ADGRG6: variants seen among roughly 807,000 people sequenced by gnomAD.
ADGRG6 encodes adhesion G protein-coupled receptor G6.
ADGRG6 carries 84 observed loss-of-function variants against 142.4 expected under a neutral mutation model. The ratio of observed to expected loss-of-function variants is 0.59; its 90% CI spans 0.49 to 0.71. The LOEUF (loss-of-function observed/expected upper bound fraction) is 0.71. ADGRG6 is among the 30% of genes least tolerant of loss of function. The pLI, the probability that ADGRG6 is intolerant of heterozygous loss-of-function variation, is 0.00. For missense variants in ADGRG6, 1,367 were observed against 1,466.6 expected (o/e 0.93, Z 1.11); for synonymous variants, 521 against 520.5 (o/e 1.00, Z -0.01).
chr6:142,313,663 G>T (rs1477941729), intron 2 of ADGRG6, among the ~76,000 whole-genome samples: 1 of 152,142 alleles, frequency 6.6e-6, no homozygotes, highest in Non-Finnish European at 1.5e-5. Flanking sequence ...GCAGGTGATT[G>T]TGTAAAAAGA....
intron 10 of ADGRG6, among the ~76,000 whole-genome samples, chr6:142,398,940 C>T (rs1328242725): frequency 6.6e-6 from 1 of 152,084 alleles, no homozygotes; most frequent in Non-Finnish European, 1.5e-5. Flanking sequence ...TTAACTCTTA[C>T]TTCCCACATA....
At chr6:142,413,976 T>C (rs529105734) in intron 18 of ADGRG6, among the ~76,000 whole-genome samples, 52 of 151,768 alleles carry the variant, frequency 3.4e-4, no homozygotes, top group African/African-American at 1.3e-3. Flanking sequence ...TTTATTGGCA[T>C]TTTGATGACA....
intron 10 of ADGRG6, among the ~76,000 whole-genome samples, chr6:142,399,194 A>AGT (rs1775372668): frequency 6.6e-6 from 1 of 152,160 alleles, no homozygotes; most frequent in Non-Finnish European, 1.5e-5. Flanking sequence ...GAGGGAGGCA[A>AGT]GTGTTCCTCA....
intron 24 of ADGRG6, among the ~76,000 whole-genome samples, chr6:142,440,276 TC>T (rs1015447553): frequency 5.9e-5 from 9 of 152,224 alleles, no homozygotes; most frequent in African/African-American, 2.2e-4. Flanking sequence ...TTTTATTTCA[TC>T]TATTATTTTA....
At chr6:142,326,080 A>G (rs1171029890) in intron 2 of ADGRG6, among the ~76,000 whole-genome samples, 3 of 152,104 alleles carry the variant, frequency 2.0e-5, no homozygotes, top group Non-Finnish European at 4.4e-5. Flanking sequence ...ACTAAATACT[A>G]TGTTTGCAAA....
At chr6:142,304,263 CCTT>C (rs887553593) in intron 1 of ADGRG6, among the ~76,000 whole-genome samples, 3 of 152,160 alleles carry the variant, frequency 2.0e-5, no homozygotes, top group Non-Finnish European at 4.4e-5. Context: ...TCTGCCTCCT[CCTT>C]GTGGAGAAAG....
At chr6:142,424,718 A>C (rs182657312) in intron 22 of ADGRG6, among the ~76,000 whole-genome samples, 1 of 152,046 alleles carries the variant, frequency 6.6e-6, no homozygotes, top group East Asian at 1.9e-4. Context: ...CTCTTTTTCT[A>C]TTGATTGGAA....
In ADGRG6 at chr6:142,438,273, G is replaced by C. The variant is rs760318247; in HGVS notation, c.3483G>C (p.Leu1161Phe). The part of the protein sequence containing the change: ...KKSSDNLGKS[L>F]SSSSIGSNST... ...GTTCTGATAATCTAGGAAAATCTTT[G>C]TCTTCAAGCTCCATTGGTTCCAACT... Residue 1161 changes from leucine to phenylalanine, a missense_variant, in exon 24 of 25, where the codon TTG becomes TTC. Around this residue, in one of 3 missense-constraint regions of ADGRG6, gnomAD observed 344 missense variants for 348.7 expected, o/e 0.99. Coordinates refer to ENST00000367609, the MANE Select transcript of ADGRG6 (RefSeq NM_198569.3). 1 of 1,602,668 alleles carries C rather than the reference G, an allele frequency of 6.2e-7. No individual in the cohort carries two copies.
At chr6:142,360,335 A>AT (rs1780653086) in intron 2 of ADGRG6, among the ~76,000 whole-genome samples, 1 of 152,208 alleles carries the variant, frequency 6.6e-6, no homozygotes, top group Admixed American at 6.5e-5. Flanking sequence ...TTTAGGTATA[A>AT]TGAAGGCTTT....
At chr6:142,337,874 C>T (rs1489822485) in intron 2 of ADGRG6, among the ~76,000 whole-genome samples, 1 of 151,346 alleles carries the variant, frequency 6.6e-6, no homozygotes, top group East Asian at 1.9e-4. Context: ...ACACAGGGGA[C>T]TCATAGATAT....
chr6:142,342,039 C>T (rs1779683300), intron 2 of ADGRG6, among the ~76,000 whole-genome samples: 1 of 151,952 alleles, frequency 6.6e-6, no homozygotes, highest in Admixed American at 6.6e-5. Flanking sequence ...TGAAGTTTAC[C>T]TCTTAAAATG....
At chr6:142,409,614 C>T (rs1408330654) in intron 16 of ADGRG6, among the ~76,000 whole-genome samples, 1 of 152,104 alleles carries the variant, frequency 6.6e-6, no homozygotes, top group Non-Finnish European at 1.5e-5. Flanking sequence ...AATCAATATA[C>T]TTAATGATGG....
At position 142,367,703 on chromosome 6, in the gene ADGRG6, C is replaced by A. The variant is rs758486246; in HGVS notation, c.238C>A (p.Gln80Lys). 6.2e-6 allele frequency: 10 copies of A among 1,613,736 alleles called. No individual in the cohort carries two copies. The highest frequency in any genetic ancestry group is 8.5e-6 in the Non-Finnish European group (10 of 1,179,792). The part of the protein sequence containing the change: ...TLRAPTGYII[Q>K]ITFNDFDIEE... The stretch of plus-strand genomic sequence containing the variant: ...CCGAGCCCCCACCGGTTATATCATT[C>A]AGATAACATTTAACGACTTTGACAT... Residue 80 changes from glutamine to lysine, a missense_variant, in exon 3 of 25, where the codon CAG becomes AAG. Gln to Lys is a moderately conservative substitution (Grantham distance 53). Around this residue, in one of 3 missense-constraint regions of ADGRG6, gnomAD observed 737 missense variants for 746.5 expected, o/e 0.99. Transcript: ENST00000367609.
At chr6:142,431,083 T>A (rs758347482) in intron 22 of ADGRG6, among the ~76,000 whole-genome samples, 31 of 148,712 alleles carry the variant, frequency 2.1e-4, no homozygotes, top group Admixed American at 1.4e-3. Context: ...CATTTTCAAT[T>A]CACAATTACA....
At chr6:142,392,431 A>G (rs112883121) in intron 7 of ADGRG6, among the ~76,000 whole-genome samples, 3 of 151,898 alleles carry the variant, frequency 2.0e-5, no homozygotes, top group African/African-American at 7.2e-5. Flanking sequence ...TTTTTAATTT[A>G]TATTGTTAAT....
chr6:142,443,801 G>C lies in ADGRG6; in HGVS notation c.*286G>C, dbSNP rs1158999874. Reference sequence around the variant, plus strand: ...ATTGAATCAGAGTAATCATAATGCAGGGGAGACATTCAAATTAGAGACAAG... The same window carrying C: ...ATTGAATCAGAGTAATCATAATGCACGGGAGACATTCAAATTAGAGACAAG... On this transcript the variant is annotated 3_prime_UTR_variant, in exon 25 of 25. Coordinates refer to ENST00000367609, the MANE Select transcript of ADGRG6 (RefSeq NM_198569.3). 4.5e-6 allele frequency: 1 copy of C among 224,624 alleles called. No homozygotes were observed. Among genetic ancestry groups the C allele is most frequent in the Non-Finnish European group, 8.6e-6 (1 of 115,982 alleles). 13.9% of individuals were successfully genotyped at this position (224,624 alleles called of 1,614,324 possible). A position where few individuals can be genotyped will look rare whatever the true frequency, so the allele number is the denominator to read the frequency against.
chr6:142,415,171 A>G, intron 19 of ADGRG6, 75 bp downstream of exon 19: 1 of 1,198,602 alleles, frequency 8.3e-7, no homozygotes. Context: ...CTCGGCTTTG[A>G]AAAACATTTA....
chr6:142,378,134 T>C (rs1781586901), intron 4 of ADGRG6, among the ~76,000 whole-genome samples: 1 of 152,228 alleles, frequency 6.6e-6, no homozygotes, highest in Non-Finnish European at 1.5e-5. Context: ...TGATGAAATG[T>C]TCAAGAAAAT....
chr6:142,356,764 A>G (rs921880946), intron 2 of ADGRG6, among the ~76,000 whole-genome samples: 1 of 152,134 alleles, frequency 6.6e-6, no homozygotes, highest in Non-Finnish European at 1.5e-5. Context: ...ATGGTTTGCT[A>G]ATGGAGGAGC....
Sources: gnomAD v4.1 joint callset for allele counts (sites outside exome capture counted in the v4.1 genomes callset) on GRCh38, gnomAD v4.1.1 for gene constraint, gnomAD v4.1.1 regional missense constraint, MANE v1.5 for transcripts, NCBI Gene and HGNC (gene_info 2026-07-23, HGNC 2026-07-21) for gene names.